NOX1: variants seen among roughly 807,000 people sequenced by gnomAD.
NOX1 encodes the protein NADH/NADPH mitogenic oxidase subunit P65-MOX.
Under a neutral mutation model 42.5 loss-of-function variants are expected in NOX1, and 34 were observed. That is an observed-to-expected ratio of 0.80 (90% confidence interval 0.61 to 1.07). NOX1 has a LOEUF of 1.07. NOX1 is among the 50% of genes least tolerant of loss of function. The pLI is 0.00. For synonymous variants in NOX1, 143 were observed against 152.5 expected (o/e 0.94, Z 0.46); for missense variants, 408 against 427.0 (o/e 0.96, Z 0.39).
chrX:100,853,952 G>C (rs1270292469), intron 7 of NOX1, among the ~76,000 whole-genome samples: 2 of 112,082 alleles, frequency 1.8e-5, no homozygotes, highest in Non-Finnish European at 3.8e-5. Flanking sequence ...AGACCAGTCT[G>C]GTCAACGTGG....
rs202164643 is a variant in NOX1, at chrX:100,863,602, C to A, written c.142-7G>T. ...GGGCACAGGCCAATGTTGACTACAG[C>A]AGAGGAGAAAAAGAGACCATCAGCT... is the stretch of plus-strand genomic sequence containing the variant. On this transcript the variant is annotated splice_polypyrimidine_tract_variant and splice_region_variant and intron_variant, in intron 2 of 12. Coordinates refer to ENST00000372966, the MANE Select transcript of NOX1 (RefSeq NM_007052.5). 2 of 1,200,753 alleles carry A rather than the reference C, an allele frequency of 1.7e-6. No individual in the cohort carries two copies. The highest frequency in any genetic ancestry group is 6.0e-5 in the East Asian group (2 of 33,450).
chrX:100,856,058 A>G, intron 7 of NOX1: 1 of 1,100,245 alleles, frequency 9.1e-7, no homozygotes. Flanking sequence ...GCCACCAACA[A>G]ATATCTTTTT....
chrX:100,870,901 T>G, intron 1 of NOX1, 87 bp from the exon 2 acceptor site: 1 of 591,036 alleles, frequency 1.7e-6, no homozygotes, highest in Non-Finnish European at 2.7e-6. Flanking sequence ...AGCAATAGTG[T>G]CGCCGTTTTG....
rs1231060058 is a variant in NOX1 at position 100,849,281 on chromosome X, A to T, written c.1442T>A (p.Ile481Asn). ...RLFLTGWDSN[I>N]VGHAALNFDK... ...AATTAGTGTGTTATTTGGACTCACA[A>T]TATTGCTGTCCCATCCGGTGAGGAA... Residue 481 changes from isoleucine to asparagine, a missense_variant and splice_region_variant, in exon 11 of 13, where the codon ATT (isoleucine) becomes AAT (asparagine). Coordinates refer to ENST00000372966, the MANE Select transcript of NOX1 (RefSeq NM_007052.5). 1 of 1,208,564 alleles carries T rather than the reference A, an allele frequency of 8.3e-7. No individual in the cohort carries two copies. Among genetic ancestry groups the T allele is most frequent in the Non-Finnish European group, 1.1e-6 (1 of 894,513 alleles).
intron 7 of NOX1, chrX:100,856,221 A>G: frequency 2.0e-6 from 2 of 991,666 alleles, no homozygotes; most frequent in Non-Finnish European, 2.8e-6. Flanking sequence ...CAGCCCCTGG[A>G]GCGCTTGGTG....
At chrX:100,862,082 AATG>A in intron 7 of NOX1, 86 bp downstream of exon 7, 2 of 1,000,380 alleles carry the variant, frequency 2.0e-6, no homozygotes, top group Non-Finnish European at 2.8e-6. Context: ...AACTAATAAT[AATG>A]ATGATAATAA....
chrX:100,866,761 A>C (rs1316376060), intron 2 of NOX1, among the ~76,000 whole-genome samples: 2 of 74,329 alleles, frequency 2.7e-5, no homozygotes, highest in Non-Finnish European at 4.9e-5. Context: ...AGACTACAAA[A>C]TGTGGGAGGG....
intron 1 of NOX1, among the ~76,000 whole-genome samples, chrX:100,871,548 A>G (rs1246526467): frequency 8.9e-6 from 1 of 111,881 alleles, no homozygotes; most frequent in Non-Finnish European, 1.9e-5. Flanking sequence ...GTCTTTTTTC[A>G]AATTAATCTA....
At chrX:100,861,660 A>G (rs1240951298) in intron 7 of NOX1, among the ~76,000 whole-genome samples, 1 of 111,539 alleles carries the variant, frequency 9.0e-6, no homozygotes, top group Non-Finnish European at 1.9e-5. Flanking sequence ...CTGGAATATC[A>G]CGGCTGAGCT....
At chrX:100,873,989 T>C in intron 1 of NOX1, 106 bp downstream of exon 1, 1 of 588,390 alleles carries the variant, frequency 1.7e-6, no homozygotes. Context: ...ATGAGCCCAA[T>C]AATCGGCATG....
Position 100,849,805 on chromosome X carries a change from G to C in NOX1, c.1263C>G (p.Phe421Leu). 8.3e-7 allele frequency: 1 copy of C among 1,210,788 alleles called. No homozygotes were observed. Among genetic ancestry groups the C allele is most frequent in the Non-Finnish European group, 1.1e-6 (1 of 895,046 alleles). The stretch of plus-strand genomic sequence containing the variant: ...TTTTGAGGTTGTGGTCTGCACACTG[G>C]AATTTGTACCAGATGGATTTCAAGA... ...ASILKSIWYK[F>L]QCADHNLKTK... The change falls in exon 10 of 13, where the codon TTC becomes TTG. Residue 421 changes from phenylalanine (F) to leucine (L), a missense_variant. By Grantham distance (22) the Phe-to-Leu change is conservative. Coordinates refer to ENST00000372966, the MANE Select transcript of NOX1 (RefSeq NM_007052.5).
intron 1 of NOX1, among the ~76,000 whole-genome samples, chrX:100,871,504 C>T (rs926926958): frequency 1.8e-5 from 2 of 112,456 alleles, no homozygotes; most frequent in African/African-American, 6.5e-5. Context: ...TTTAATTACA[C>T]CCTGACACAC....
intron 7 of NOX1, among the ~76,000 whole-genome samples, chrX:100,860,168 G>A (rs963746728): frequency 2.7e-5 from 3 of 111,349 alleles, no homozygotes; most frequent in Non-Finnish European, 5.7e-5. Context: ...TGTCTCTTTC[G>A]TTTTACTGGT....
At chrX:100,867,798 GAGAGAGAA>G (rs1180146937) in intron 2 of NOX1, among the ~76,000 whole-genome samples, 2 of 20,156 alleles carry the variant, frequency 9.9e-5, no homozygotes, top group East Asian at 6.5e-4. Flanking sequence ...AGAAGAAAGA[GAGAGAGAA>G]AGAGAGAAGG....
chrX:100,870,230 A>AG (rs1457938656), intron 2 of NOX1, among the ~76,000 whole-genome samples: 45 of 108,600 alleles, frequency 4.1e-4, no homozygotes, highest in African/African-American at 1.5e-3. Context: ...TAGTTTCAGA[A>AG]GAATGGTACC....
At chrX:100,848,386 G>C (rs2085088291) in intron 12 of NOX1, among the ~76,000 whole-genome samples, 1 of 111,000 alleles carries the variant, frequency 9.0e-6, no homozygotes, top group African/African-American at 3.3e-5. Context: ...TGCCTCCCAG[G>C]TTCAAGCAAT....
intron 7 of NOX1, chrX:100,855,162 C>A (rs2085157677): frequency 2.4e-6 from 1 of 411,369 alleles, no homozygotes; most frequent in Non-Finnish European, 4.4e-6. Flanking sequence ...TTGTATAAAA[C>A]ATGTCTTCTT....
rs769691003 is a variant in NOX1 at position 100,862,199 on chromosome X, C to A, written c.776G>T (p.Arg259Leu). ...MWDDRDSHCR[R>L]PKFEGHPPES... ...AGGGGGATGCCCTTCAAACTTAGGG[C>A]GCCTACAGTGGGAGTCACGATCATC... The change falls in exon 7 of 13, where the codon CGC becomes CTC. Residue 259 changes from arginine to leucine, a missense_variant. Coordinates refer to ENST00000372966, the MANE Select transcript of NOX1 (RefSeq NM_007052.5). The A allele has an allele frequency of 8.3e-7, 1 of 1,211,792 alleles. No individual in the cohort carries two copies. Among genetic ancestry groups the A allele is most frequent in the African/African-American group, 1.7e-5 (1 of 57,911 alleles).
chrX:100,863,573 G>C lies in NOX1; in HGVS notation c.164C>G (p.Ala55Gly), dbSNP rs138268462. 5.8e-6 allele frequency: 7 copies of C among 1,207,928 alleles called. No individual in the cohort carries two copies. The highest frequency in any genetic ancestry group is 7.8e-6 in the Non-Finnish European group (7 of 894,738). ...ILGSTLACAR[A>G]SALCLNFNST... ...GTTAAAATTCAAGCAGAGAGCAGAC[G>C]CTCGGGCACAGGCCAATGTTGACTA... Residue 55 changes from alanine to glycine, a missense_variant, in exon 3 of 13, where the codon GCG becomes GGG. Ala to Gly is a moderately conservative substitution (Grantham distance 60). Coordinates refer to ENST00000372966, the MANE Select transcript of NOX1 (RefSeq NM_007052.5).
Sources: allele counts gnomAD v4.1 joint callset (sites outside exome capture counted in the v4.1 genomes callset), GRCh38; gene constraint gnomAD v4.1.1; transcripts MANE v1.5; gene names NCBI Gene and HGNC (gene_info 2026-07-23, HGNC 2026-07-21).